The following ABCC5 variants were observed in gnomAD, a reference collection of about 807,000 sequenced individuals.
ABCC5 encodes the protein ATP-binding cassette sub-family C member 5.
Under a neutral mutation model 160.9 loss-of-function variants are expected in ABCC5, and 61 were observed. The observed-to-expected ratio is 0.38, with a 90% CI of 0.31 to 0.47. The LOEUF (loss-of-function observed/expected upper bound fraction) is 0.47, where lower values mean the gene tolerates loss of function less well. Ranked by LOEUF, ABCC5 falls within the 20% of genes least tolerant of loss-of-function variation. ABCC5 has a pLI of 0.99. For synonymous variants in ABCC5, 666 were observed against 700.6 expected (o/e 0.95, Z 0.78); for missense variants, 1,308 against 1,813.3 (o/e 0.72, Z 5.06).
chr3:183,957,559 C>T (rs1486302541), intron 17 of ABCC5, among the ~76,000 whole-genome samples: 80 of 151,332 alleles, frequency 5.3e-4, no homozygotes, highest in Non-Finnish European at 1.0e-3. Context: ...CATGCGGATC[C>T]GTGTGTACAT....
chr3:183,942,688 C>A (rs372002175), intron 25 of ABCC5, 39 bp downstream of exon 25: 2 of 1,593,558 alleles, frequency 1.3e-6, no homozygotes, highest in Non-Finnish European at 8.6e-7. Context: ...TAAACTGCTA[C>A]GTTCCAATGG....
At chr3:183,984,914 T>C in intron 5 of ABCC5, 1 of 1,556,162 alleles carries the variant, frequency 6.4e-7, no homozygotes, top group South Asian at 1.2e-5. Flanking sequence ...CAGCAGGTGG[T>C]TGCCTTGGGC....
intron 25 of ABCC5, among the ~76,000 whole-genome samples, chr3:183,940,485 A>AAG (rs1714218130): frequency 6.9e-6 from 1 of 144,084 alleles, no homozygotes; most frequent in Non-Finnish European, 1.5e-5. Context: ...AAAAAAAAAA[A>AAG]AAATGAATGA....
intron 11 of ABCC5, among the ~76,000 whole-genome samples, chr3:183,971,235 A>G (rs963320488): frequency 6.6e-6 from 1 of 152,274 alleles, no homozygotes; most frequent in African/African-American, 2.4e-5. Flanking sequence ...GGGCGCTCAC[A>G]GACTTGTAAC....
chr3:183,999,760 CAG>C (rs764474428), intron 2 of ABCC5, among the ~76,000 whole-genome samples: 1 of 152,074 alleles, frequency 6.6e-6, no homozygotes, highest in Non-Finnish European at 1.5e-5. Flanking sequence ...GCCTGGGTGA[CAG>C]AGACAGTCAC....
At chr3:183,954,756 G>A (rs1715711263) in intron 17 of ABCC5, among the ~76,000 whole-genome samples, 1 of 152,152 alleles carries the variant, frequency 6.6e-6, no homozygotes, top group Non-Finnish European at 1.5e-5. Context: ...AGTTAATTTT[G>A]CCACGGTTAA....
rs28365025 is a variant in ABCC5 at position 183,925,467 on chromosome 3, C to T, written c.4212+88G>A. On this transcript the variant is annotated intron_variant, in intron 29 of 29. Transcript: ENST00000334444. ...CAAGTGCTTATCTGAATGCCCAGAA[C>T]CCTACAAAGATGGCAATCAGTCCAT... 4,026 of 1,428,110 alleles carry T rather than the reference C, an allele frequency of 2.8e-3. 98 individuals are homozygous for T. In the African/African-American group the frequency reaches 0.051, roughly 18 times the overall value. The allele number at this position is 1,428,110 out of a possible 1,614,324, so 88.5% of individuals were successfully genotyped here.
At chr3:183,944,507 T>C (rs73046540) in intron 24 of ABCC5, among the ~76,000 whole-genome samples, 10,744 of 152,320 alleles carry the variant, frequency 0.071, 465 homozygotes, top group East Asian at 0.17. Flanking sequence ...ACTCTTCACA[T>C]ATAAACAATG....
Position 183,925,738 on chromosome 3 carries a change from A to G in ABCC5, c.4048-19T>C, listed in dbSNP as rs759099427. ...TCAGAATCTGCCAGAGAAGCAGAGGAGAAAGAAACTCGATTAAATTCCTTT... is the reference window on the plus strand; with the variant it reads ...TCAGAATCTGCCAGAGAAGCAGAGGGGAAAGAAACTCGATTAAATTCCTTT... On this transcript the variant is annotated intron_variant, in intron 28 of 29. Transcript: ENST00000334444. 5.0e-6 allele frequency: 8 copies of G among 1,606,012 alleles called. No homozygotes were observed. The highest frequency in any genetic ancestry group is 5.9e-6 in the Non-Finnish European group (7 of 1,177,572).
chr3:183,929,410 G>A (rs1712947749), intron 26 of ABCC5, among the ~76,000 whole-genome samples: 1 of 152,146 alleles, frequency 6.6e-6, no homozygotes, highest in Admixed American at 6.6e-5. Flanking sequence ...TCTAGCCTGG[G>A]CGACAGAGTG....
intron 25 of ABCC5, 76 bp from the exon 26 acceptor site, chr3:183,938,136 C>A: frequency 7.2e-7 from 1 of 1,396,128 alleles, no homozygotes; most frequent in Non-Finnish European, 9.9e-7. Context: ...AGCCTCAGGG[C>A]AATGCCAACT....
intron 26 of ABCC5, among the ~76,000 whole-genome samples, chr3:183,930,441 C>A (rs1240325817): frequency 6.6e-6 from 1 of 152,208 alleles, no homozygotes; most frequent in African/African-American, 2.4e-5. Flanking sequence ...AATGGGTTGA[C>A]CTGTGTCTCC....
chr3:183,926,474 C>T (rs1712575539), intron 28 of ABCC5, among the ~76,000 whole-genome samples: 1 of 151,090 alleles, frequency 6.6e-6, no homozygotes, highest in South Asian at 2.1e-4. Flanking sequence ...CGCGCGAATC[C>T]AGGAGGTGGA....
chr3:184,013,832 A>C (rs1004550629), intron 2 of ABCC5, among the ~76,000 whole-genome samples: 1 of 152,202 alleles, frequency 6.6e-6, no homozygotes, highest in Non-Finnish European at 1.5e-5. Context: ...GAGACTTATC[A>C]ATAACCATAA....
chr3:183,999,256 AG>A (rs1411406030), intron 2 of ABCC5, among the ~76,000 whole-genome samples: 2 of 151,922 alleles, frequency 1.3e-5, no homozygotes, highest in South Asian at 2.1e-4. Context: ...CAAGCATGCC[AG>A]GAAAAAAAAA....
Position 183,955,041 on chromosome 3 carries a change from G to C in ABCC5, c.2483-1771C>G, listed in dbSNP as rs111952578. Reference sequence around the variant, plus strand: ...TTAGCTTGAGTGGTGGGGGAGTGGTGGGGGACAGGGTGTGGACGCCAAGGT... The same window carrying C: ...TTAGCTTGAGTGGTGGGGGAGTGGTCGGGGACAGGGTGTGGACGCCAAGGT... On this transcript the variant is annotated intron_variant, in intron 17 of 29. Transcript: ENST00000334444. Among the ~76,000 whole-genome samples, 909 of 152,218 alleles carry C rather than the reference G, an allele frequency of 6.0e-3. 10 individuals are homozygous for C. The highest frequency in any genetic ancestry group is 0.021 in the African/African-American group (870 of 41,534).
intron 23 of ABCC5, 90 bp downstream of exon 23, chr3:183,947,234 G>A: frequency 1.5e-6 from 2 of 1,341,518 alleles, no homozygotes; most frequent in Non-Finnish European, 2.0e-6. Context: ...TAATGGCTCA[G>A]GGTGGAGCCC....
chr3:183,984,949 T>A, intron 5 of ABCC5: 2 of 1,488,186 alleles, frequency 1.3e-6, no homozygotes, highest in Non-Finnish European at 1.8e-6. Flanking sequence ...ACCTTTAGAG[T>A]GCCATTTTTC....
chr3:183,952,324 T>C (rs1047666694), intron 18 of ABCC5, among the ~76,000 whole-genome samples: 1 of 152,128 alleles, frequency 6.6e-6, no homozygotes, highest in Non-Finnish European at 1.5e-5. Context: ...TTTTTGTATT[T>C]TTAGTACAGA....
Sources: allele counts gnomAD v4.1 joint callset (sites outside exome capture counted in the v4.1 genomes callset), GRCh38; gene constraint gnomAD v4.1.1; transcripts MANE v1.5; gene names NCBI Gene and HGNC (gene_info 2026-07-23, HGNC 2026-07-21).